The following PAN3 variants were observed in gnomAD, a reference collection of about 807,000 sequenced individuals.
The protein encoded by PAN3 is poly(A) specific ribonuclease subunit PAN3.
PAN3 carries 19 observed loss-of-function variants against 96.2 expected under a neutral mutation model. The observed-to-expected ratio is 0.20, with a 90% CI of 0.14 to 0.29. PAN3 has a LOEUF of 0.29. Among genes scored for constraint, PAN3 ranks in the 10% least tolerant of loss-of-function variants. The pLI is 1.00. For missense variants in PAN3, 882 were observed against 1,108.1 expected, an observed-to-expected ratio of 0.80 and a Z score of 2.90; for synonymous variants, 433 against 406.6, an observed-to-expected ratio of 1.06 and a Z score of -0.78.
chr13:28,289,600 G>T (rs1029326832), intron 18 of PAN3, among the ~76,000 whole-genome samples: 1 of 152,256 alleles, frequency 6.6e-6, no homozygotes, highest in Non-Finnish European at 1.5e-5. Context: ...GTTGGGAAAA[G>T]GCTAGGCGCA....
At chr13:28,147,600 A>G (rs1870838695) in intron 1 of PAN3, among the ~76,000 whole-genome samples, 2 of 152,164 alleles carry the variant, frequency 1.3e-5, no homozygotes, top group Admixed American at 1.3e-4. Flanking sequence ...CTCCTAATTG[A>G]GTGGTTCACT....
chr13:28,238,814 T>C (rs1010104300), intron 6 of PAN3, among the ~76,000 whole-genome samples: 1 of 152,182 alleles, frequency 6.6e-6, no homozygotes, highest in Admixed American at 6.5e-5. Context: ...TTTTTCATAA[T>C]AGTGTATTAT....
chr13:28,289,118 A>G lies in PAN3; in HGVS notation c.2523+996A>G, dbSNP rs556507111. Among the ~76,000 whole-genome samples, 599 of 152,098 alleles carry G rather than the reference A, an allele frequency of 3.9e-3. 2 individuals carry two copies. Among genetic ancestry groups the G allele is most frequent in the Non-Finnish European group, 5.8e-3 (392 of 67,944 alleles). On this transcript the variant is annotated intron_variant, in intron 18 of 18. Transcript: ENST00000380958. ...TGGGATTACAGGCATGAGCCACCGC[A>G]CCCGGCCTAACTCTAGGTTTTATAA...
chr13:28,277,399 T>G (rs746314630), intron 15 of PAN3, 23 bp downstream of exon 15: 1 of 1,591,950 alleles, frequency 6.3e-7, no homozygotes, highest in Admixed American at 1.8e-5. Context: ...ATATGATAAA[T>G]TGTACAGAAT....
intron 4 of PAN3, among the ~76,000 whole-genome samples, chr13:28,188,496 G>C (rs1876784094): frequency 6.6e-6 from 1 of 152,162 alleles, no homozygotes; most frequent in African/African-American, 2.4e-5. Flanking sequence ...AGCTATGTGG[G>C]AGACTGAGGT....
intron 4 of PAN3, among the ~76,000 whole-genome samples, chr13:28,191,728 A>G (rs925079109): frequency 3.9e-5 from 6 of 152,158 alleles, no homozygotes; most frequent in African/African-American, 1.4e-4. Flanking sequence ...TTACCATGGA[A>G]TGATCCTCAG....
chr13:28,189,533 ACAAAAC>A lies in PAN3; in HGVS notation c.691-7651_691-7646del, dbSNP rs1018142377. 4.3e-5 allele frequency among the ~76,000 whole-genome samples: 6 copies of A among 139,546 alleles called. No homozygotes were observed. In the East Asian group the frequency reaches 1.3e-3, roughly 31 times the overall value. 91.5% of individuals were successfully genotyped at this position (139,546 alleles called of 152,430 possible). A position where few individuals can be genotyped will look rare whatever the true frequency, so the allele number is the denominator to read the frequency against. On this transcript the variant is annotated intron_variant, in intron 4 of 18. Transcript: ENST00000380958. ...CCCCGTCTCAAAACAAAAAAACAAA[ACAAAAC>A]AAAAAAACTCTCAGTGTTAAGATCA... is the stretch of plus-strand genomic sequence containing the variant.
chr13:28,147,801 T>C (rs2137948598), intron 1 of PAN3, among the ~76,000 whole-genome samples: 1 of 152,216 alleles, frequency 6.6e-6, no homozygotes, highest in East Asian at 1.9e-4. Flanking sequence ...TATGCAGATC[T>C]CACTAATCCT....
chr13:28,222,354 G>C (rs986622808), intron 6 of PAN3, among the ~76,000 whole-genome samples: 29 of 151,998 alleles, frequency 1.9e-4, no homozygotes, highest in African/African-American at 6.8e-4. Flanking sequence ...CATAGCCCTA[G>C]CATTAAATGG....
intron 6 of PAN3, among the ~76,000 whole-genome samples, chr13:28,243,959 T>C (rs1308056810): frequency 1.3e-5 from 2 of 152,212 alleles, no homozygotes; most frequent in Non-Finnish European, 2.9e-5. Flanking sequence ...GTGCTGGGAT[T>C]GCAGGCAGGA....
intron 2 of PAN3, among the ~76,000 whole-genome samples, chr13:28,176,125 A>G (rs1050657831): frequency 1.3e-5 from 2 of 152,236 alleles, no homozygotes; most frequent in Non-Finnish European, 2.9e-5. Context: ...GAGAAAGGGT[A>G]TTAGAGCATT....
At chr13:28,277,131 C>A in intron 14 of PAN3, 106 bp from the exon 15 acceptor site, 1 of 1,156,236 alleles carries the variant, frequency 8.6e-7, no homozygotes, top group Non-Finnish European at 1.2e-6. Context: ...ACCCTGCCTG[C>A]AGCTTATTTA....
chr13:28,240,089 G>C (rs185527016), intron 6 of PAN3: 1 of 152,284 alleles, frequency 6.6e-6, no homozygotes, highest in Admixed American at 6.5e-5. Flanking sequence ...AACTTAATTT[G>C]AGTAGTAAAT....
intron 1 of PAN3, among the ~76,000 whole-genome samples, chr13:28,149,453 A>T (rs186212091): frequency 6.6e-6 from 1 of 152,222 alleles, no homozygotes; most frequent in Non-Finnish European, 1.5e-5. Flanking sequence ...TTTCTCCCCA[A>T]TGGCTCACAT....
At chr13:28,279,156 A>T (rs1424155227) in intron 15 of PAN3, among the ~76,000 whole-genome samples, 1 of 151,976 alleles carries the variant, frequency 6.6e-6, no homozygotes, top group Non-Finnish European at 1.5e-5. Context: ...GCAGTAGATG[A>T]TTGAGAATCT....
chr13:28,155,677 T>G (rs371200782), intron 1 of PAN3, among the ~76,000 whole-genome samples: 5 of 152,146 alleles, frequency 3.3e-5, no homozygotes, highest in African/African-American at 1.2e-4. Flanking sequence ...AGTTTGACAT[T>G]ATAAATTATG....
intron 4 of PAN3, among the ~76,000 whole-genome samples, chr13:28,194,467 T>TATATA (rs1491280126): frequency 0.013 from 1,297 of 98,802 alleles, 5 homozygotes; most frequent in African/African-American, 0.052. Context: ...TATATATATA[T>TATATA]TTTTTTTTTT....
rs71086834 is a variant in PAN3, at chr13:28,146,300, GTCTCTCTC to G, written c.430+7232_430+7239del. ...TATATATATTTTTTCCTCTTTCTCT[GTCTCTCTC>G]TCTCTCTCTCTCTCTCTCATATTAG... is the stretch of plus-strand genomic sequence containing the variant. On this transcript the variant is annotated intron_variant, in intron 1 of 18. Coordinates refer to ENST00000380958, the MANE Select transcript of PAN3 (RefSeq NM_175854.8). 1.6e-4 allele frequency among the ~76,000 whole-genome samples: 23 copies of G among 143,508 alleles called. No individual in the cohort carries two copies. In the East Asian group the frequency reaches 1.8e-3, roughly 11 times the overall value. The allele number at this position is 143,508 out of a possible 152,430, so 94.1% of individuals were successfully genotyped here. A position where few individuals can be genotyped will look rare whatever the true frequency, so the allele number is the denominator to read the frequency against.
intron 5 of PAN3, among the ~76,000 whole-genome samples, chr13:28,213,297 A>G (rs1187008697): frequency 1.3e-5 from 2 of 152,236 alleles, no homozygotes; most frequent in Non-Finnish European, 2.9e-5. Flanking sequence ...CTAGGCATTT[A>G]ATATGAGGGA....
Sources: allele counts gnomAD v4.1 joint callset (sites outside exome capture counted in the v4.1 genomes callset), GRCh38; gene constraint gnomAD v4.1.1; transcripts MANE v1.5; gene names NCBI Gene and HGNC (gene_info 2026-07-23, HGNC 2026-07-21).